The following LRP1B variants were observed in gnomAD, a reference collection of about 807,000 sequenced individuals.
LRP1B encodes the protein LDL receptor related protein 1B.
A neutral mutation model predicts 556.6 loss-of-function variants in LRP1B; 217 were observed. That is an observed-to-expected ratio of 0.39 (90% CI 0.35 to 0.44). The LOEUF (loss-of-function observed/expected upper bound fraction) is 0.44. Ranked by LOEUF, LRP1B falls within the 20% of genes least tolerant of loss-of-function variation. LRP1B has a pLI of 1.00. For missense variants in LRP1B, 5,053 were observed against 5,620.8 expected, an observed-to-expected ratio of 0.90 and a Z score of 3.23; for synonymous variants, 2,047 against 1,865.8, an observed-to-expected ratio of 1.10 and a Z score of -2.50.
chr2:142,115,537 C>T (rs113382422), intron 1 of LRP1B, among the ~76,000 whole-genome samples: 3,004 of 14,342 alleles, frequency 0.21, 599 homozygotes, highest in African/African-American at 0.24. Flanking sequence ...ATATATATTA[C>T]ATATGTAATA....
Position 140,867,579 on chromosome 2 carries a change from C to G in LRP1B, c.4579+11G>C. Reference sequence around the variant, plus strand: ...TCTGGGTGGTTAATCCATAAGTGAACAAGCACTTACCCTGTGGCTGGCGAC... The same window carrying G: ...TCTGGGTGGTTAATCCATAAGTGAAGAAGCACTTACCCTGTGGCTGGCGAC... On this transcript the variant is annotated intron_variant, in intron 27 of 90. Coordinates refer to ENST00000389484, the MANE Select transcript of LRP1B (RefSeq NM_018557.3). The G allele has an allele frequency of 6.2e-7, 1 of 1,606,122 alleles. No homozygotes were observed.
intron 2 of LRP1B, among the ~76,000 whole-genome samples, chr2:141,597,051 A>G (rs1687549612): frequency 8.0e-6 from 1 of 124,912 alleles, no homozygotes; most frequent in Non-Finnish European, 1.6e-5. Context: ...AAGTTCTGAC[A>G]TTTTACACAC....
intron 2 of LRP1B, among the ~76,000 whole-genome samples, chr2:141,648,300 TTCATTG>T (rs1689657736): frequency 1.3e-5 from 2 of 151,964 alleles, no homozygotes; most frequent in South Asian, 4.1e-4. Context: ...TTTCACTTCT[TTCATTG>T]ATTAGAAAAA....
chr2:140,531,260 C>T (rs1690679943), intron 47 of LRP1B, among the ~76,000 whole-genome samples: 1 of 152,174 alleles, frequency 6.6e-6, no homozygotes, highest in African/African-American at 2.4e-5. Flanking sequence ...GGCTTAATGC[C>T]TATATTATAT....
intron 22 of LRP1B, among the ~76,000 whole-genome samples, chr2:140,905,190 A>G (rs1694214191): frequency 6.6e-6 from 1 of 151,962 alleles, no homozygotes; most frequent in Non-Finnish European, 1.5e-5. Flanking sequence ...TCTCAGCACA[A>G]ATGATTTCAT....
At chr2:141,224,201 A>C (rs150525760) in intron 6 of LRP1B, among the ~76,000 whole-genome samples, 11 of 152,084 alleles carry the variant, frequency 7.2e-5, no homozygotes, top group African/African-American at 2.7e-4. Context: ...ATGAACAAAC[A>C]CCTCAAAAGA....
At chr2:141,513,285 A>G (rs1271318468) in intron 2 of LRP1B, among the ~76,000 whole-genome samples, 3 of 152,112 alleles carry the variant, frequency 2.0e-5, no homozygotes, top group Admixed American at 2.0e-4. Context: ...TTTTAAAGTT[A>G]TGACTTAATA....
At chr2:141,728,423 AAGAG>A (rs1339810807) in intron 2 of LRP1B, among the ~76,000 whole-genome samples, 2 of 152,074 alleles carry the variant, frequency 1.3e-5, no homozygotes, top group Admixed American at 6.6e-5. Flanking sequence ...CTAATAAAGG[AAGAG>A]AGAGTCTAGG....
intron 2 of LRP1B, among the ~76,000 whole-genome samples, chr2:141,553,872 A>T (rs867727413): frequency 1.0e-4 from 14 of 135,556 alleles, no homozygotes; most frequent in African/African-American, 1.9e-4. Flanking sequence ...TATATCTATA[A>T]TAATATAGTT....
At position 140,851,797 on chromosome 2, in the gene LRP1B, G is replaced by A. The variant is rs2105122269; in HGVS notation, c.4580-14C>T. 6.3e-7 allele frequency: 1 copy of A among 1,590,412 alleles called. No homozygotes were observed. The highest frequency in any genetic ancestry group is 8.5e-7 in the Non-Finnish European group (1 of 1,173,210). ...AAGGATTGGGAGCTGTAATTACACAGTGAAATATGAACAGTGAAGAAGGAA... is the reference window on the plus strand; with the variant it reads ...AAGGATTGGGAGCTGTAATTACACAATGAAATATGAACAGTGAAGAAGGAA... On this transcript the variant is annotated splice_polypyrimidine_tract_variant and intron_variant, in intron 27 of 90. Coordinates refer to ENST00000389484, the MANE Select transcript of LRP1B (RefSeq NM_018557.3).
chr2:140,650,218 A>G (rs1439708358), intron 41 of LRP1B, among the ~76,000 whole-genome samples: 1 of 151,784 alleles, frequency 6.6e-6, no homozygotes, highest in Non-Finnish European at 1.5e-5. Context: ...CTAATATAAA[A>G]AAAAGGCAGA....
At chr2:141,397,801 A>G (rs1573899857) in intron 3 of LRP1B, among the ~76,000 whole-genome samples, 2 of 150,610 alleles carry the variant, frequency 1.3e-5, no homozygotes, top group African/African-American at 4.8e-5. Context: ...ACATTTTTAT[A>G]TACAATTATA....
intron 1 of LRP1B, among the ~76,000 whole-genome samples, chr2:141,892,615 T>C (rs1699323816): frequency 4.6e-5 from 7 of 152,142 alleles, no homozygotes; most frequent in Admixed American, 4.6e-4. Context: ...AGACTTCACT[T>C]TTATACTCAT....
At chr2:141,102,725 G>A (rs1700497990) in intron 7 of LRP1B, among the ~76,000 whole-genome samples, 1 of 152,066 alleles carries the variant, frequency 6.6e-6, no homozygotes, top group South Asian at 2.1e-4. Flanking sequence ...ATGCTTTTAT[G>A]TTGATAGGCC....
chr2:141,771,114 A>C (rs1383999606), intron 2 of LRP1B, among the ~76,000 whole-genome samples: 1 of 152,210 alleles, frequency 6.6e-6, no homozygotes, highest in Non-Finnish European at 1.5e-5. Context: ...CATTTTTTAA[A>C]CAATTGTATT....
At chr2:140,976,608 A>G (rs957346009) in intron 18 of LRP1B, among the ~76,000 whole-genome samples, 12 of 149,038 alleles carry the variant, frequency 8.1e-5, no homozygotes, top group African/African-American at 3.0e-4. Context: ...CCCGGGTTCA[A>G]GCTATTCTCC....
intron 2 of LRP1B, among the ~76,000 whole-genome samples, chr2:141,678,949 A>G (rs974698855): frequency 6.6e-6 from 1 of 152,092 alleles, no homozygotes; most frequent in East Asian, 1.9e-4. Context: ...AATATAAAAA[A>G]CAGTATTGAG....
In LRP1B at chr2:140,952,111, C is replaced by T. The variant is rs1002903248; in HGVS notation, c.2888-171G>A. Among the ~76,000 whole-genome samples the T allele has an allele frequency of 2.0e-5, 3 of 152,154 alleles. No homozygotes were observed. The East Asian group carries it at 5.8e-4, about 29-fold the overall frequency. On this transcript the variant is annotated intron_variant, in intron 18 of 90. Transcript: ENST00000389484. ...TATAACTTCTTGAGGACATAGGACACACATACTTTTAATATACTTTAAATG... is the reference window on the plus strand; with the variant it reads ...TATAACTTCTTGAGGACATAGGACATACATACTTTTAATATACTTTAAATG...
chr2:140,965,555 C>A (rs62175289), intron 18 of LRP1B, among the ~76,000 whole-genome samples: 1 of 50,358 alleles, frequency 2.0e-5, no homozygotes, highest in Non-Finnish European at 6.2e-5. Flanking sequence ...AATTGATTTT[C>A]TTTTAATTTT....
Sources: allele counts gnomAD v4.1 joint callset (sites outside exome capture counted in the v4.1 genomes callset), GRCh38; gene constraint gnomAD v4.1.1; transcripts MANE v1.5; gene names NCBI Gene and HGNC (gene_info 2026-07-23, HGNC 2026-07-21).